SLC2A9: variants seen among roughly 807,000 people sequenced by gnomAD.
The protein encoded by SLC2A9 is solute carrier family 2, facilitated glucose transporter member 9.
A neutral mutation model predicts 50.6 loss-of-function variants in SLC2A9; 39 were observed. That is an observed-to-expected ratio of 0.77 (90% confidence interval 0.60 to 1.01). SLC2A9 has a LOEUF of 1.01. Among genes scored for constraint, SLC2A9 ranks in the 50% least tolerant of loss-of-function variants. The probability of loss-of-function intolerance (pLI) is 0.00; values close to 1 mark genes in which losing one functional copy is unlikely to be tolerated. For synonymous variants in SLC2A9, 324 were observed against 276.9 expected, an observed-to-expected ratio of 1.17 and a Z score of -1.69; for missense variants, 686 against 677.6, an observed-to-expected ratio of 1.01 and a Z score of -0.14.
At chr4:9,782,216 G>C (rs1315103578) in intron 3 of SLC2A9, 2 of 1,612,312 alleles carry the variant, frequency 1.2e-6, no homozygotes, top group Non-Finnish European at 1.7e-6. Flanking sequence ...GCTGGTGTGC[G>C]CAGCCATCGT....
Position 9,890,672 on chromosome 4 carries a change from T to G in SLC2A9, c.1153A>C (p.Ile385Leu). The G allele has an allele frequency of 6.2e-7, 1 of 1,614,070 alleles. No homozygotes were observed. Reference protein sequence around the residue: ...IEHLGRRPLLIGGFGLMGLFF... With the variant: ...IEHLGRRPLLLGGFGLMGLFF... ...AGGCCCATGAGCCCAAAGCCACCAA[T>G]GAGGAGGGGTCTCCGTCCCAGGTGC... Residue 385 changes from isoleucine (I) to leucine (L), a missense_variant, in exon 9 of 12, where the codon ATT becomes CTT. Physicochemically the swap from Ile to Leu is conservative, Grantham distance 5 (BLOSUM62 2). Transcript: ENST00000264784.
At chr4:9,975,784 G>T (rs188653836) in intron 5 of SLC2A9, among the ~76,000 whole-genome samples, 10 of 152,278 alleles carry the variant, frequency 6.6e-5, no homozygotes, top group Admixed American at 3.9e-4. Flanking sequence ...CTACCAAAAA[G>T]AGTGATGCAC....
chr4:9,911,304 A>G (rs1400585134), intron 7 of SLC2A9, among the ~76,000 whole-genome samples: 1 of 151,944 alleles, frequency 6.6e-6, no homozygotes, highest in Non-Finnish European at 1.5e-5. Context: ...CCTGTACATC[A>G]CACACACTGC....
intron 8 of SLC2A9, among the ~76,000 whole-genome samples, chr4:9,907,247 GA>G (rs1172421452): frequency 6.6e-6 from 1 of 152,244 alleles, no homozygotes; most frequent in Non-Finnish European, 1.5e-5. Flanking sequence ...CAAAAAAGAA[GA>G]GACACAAGCA....
intron 3 of SLC2A9, among the ~76,000 whole-genome samples, chr4:9,780,846 A>G (rs1226984015): frequency 6.6e-6 from 1 of 151,980 alleles, no homozygotes; most frequent in East Asian, 1.9e-4. Context: ...TTAAACACTG[A>G]GCTATTTATC....
upstream of SLC2A9, among the ~76,000 whole-genome samples, chr4:10,022,789 G>A (rs75101489): frequency 0.015 from 2,325 of 152,298 alleles, 29 homozygotes; most frequent in South Asian, 0.05. Flanking sequence ...GGAAACGTCC[G>A]GCCCTGACAT....
intron 5 of SLC2A9, among the ~76,000 whole-genome samples, chr4:9,949,966 C>T (rs77101951): frequency 0.014 from 2,057 of 152,204 alleles, 59 homozygotes; most frequent in East Asian, 0.11. Context: ...TTGACCTTAC[C>T]GTCCCTCCCA....
chr4:9,931,946 C>CAATCTCTCTCTCTCTCAA (rs1309683389), intron 6 of SLC2A9, among the ~76,000 whole-genome samples: 2 of 58,336 alleles, frequency 3.4e-5, no homozygotes, highest in Admixed American at 2.1e-4. Context: ...CTCTCTCTCT[C>CAATCTCTCTCTCTCTCAA]TCTCTCTCTC....
At position 9,942,100 on chromosome 4, in the gene SLC2A9, G is replaced by A. The variant is rs1010145741; in HGVS notation, c.682-55C>T. The A allele has an allele frequency of 3.7e-6, 6 of 1,610,460 alleles. No individual in the cohort carries two copies. In the Admixed American group the frequency reaches 8.3e-5, roughly 22 times the overall value. The stretch of plus-strand genomic sequence containing the variant: ...AGTGGCCTTTGGTCATTGTTGAGGG[G>A]ACTGGGCCACTGGACCAGGTGGTTT... On this transcript the variant is annotated intron_variant, in intron 5 of 11. Transcript: ENST00000264784.
At chr4:9,938,980 C>T (rs1001998288) in intron 6 of SLC2A9, among the ~76,000 whole-genome samples, 1 of 152,120 alleles carries the variant, frequency 6.6e-6, no homozygotes, top group African/African-American at 2.4e-5. Context: ...GTGTTGATGG[C>T]CCAAGTTCGT....
chr4:9,932,055 A>G (rs1292711549), intron 6 of SLC2A9, among the ~76,000 whole-genome samples: 2 of 146,296 alleles, frequency 1.4e-5, no homozygotes, highest in African/African-American at 5.1e-5. Context: ...GAACAGAGGT[A>G]GAAACTATCA....
At chr4:9,796,585 C>T (rs1263710077), downstream of SLC2A9, among the ~76,000 whole-genome samples, 1 of 152,212 alleles carries the variant, frequency 6.6e-6, no homozygotes, top group African/African-American at 2.4e-5. Flanking sequence ...ATGTATTAGT[C>T]AGGCTTTGTT....
At chr4:10,003,587 CTGAA>C (rs1760245037) in intron 2 of SLC2A9, among the ~76,000 whole-genome samples, 1 of 152,208 alleles carries the variant, frequency 6.6e-6, no homozygotes, top group South Asian at 2.1e-4. Flanking sequence ...CTTTTGGCAA[CTGAA>C]CGTTTGTCTT....
At chr4:9,955,648 C>A (rs1751121925) in intron 5 of SLC2A9, among the ~76,000 whole-genome samples, 3 of 152,102 alleles carry the variant, frequency 2.0e-5, no homozygotes, top group Admixed American at 2.0e-4. Flanking sequence ...TGCTCTAACT[C>A]TTGCCTCAGT....
At chr4:10,025,752 C>T, upstream of SLC2A9, 1 of 682,632 alleles carries the variant, frequency 1.5e-6, no homozygotes, top group Admixed American at 2.5e-5. Flanking sequence ...CCCATGGCTC[C>T]TTCCCATAGA....
chr4:9,934,072 C>T (rs1746632257), intron 6 of SLC2A9, among the ~76,000 whole-genome samples: 1 of 152,200 alleles, frequency 6.6e-6, no homozygotes, highest in Admixed American at 6.5e-5. Context: ...CTAATTCCTT[C>T]ATCATGTAAC....
At chr4:10,006,893 C>T (rs994045857) in intron 2 of SLC2A9, among the ~76,000 whole-genome samples, 2 of 151,974 alleles carry the variant, frequency 1.3e-5, no homozygotes, top group Admixed American at 6.6e-5. Context: ...GACCACCCCC[C>T]GAGAAAAACC....
rs76634773 is a variant in SLC2A9 at position 10,030,827 on chromosome 4, G to A, written c.-40-4821C>T. On this transcript the variant is annotated intron_variant, in intron 1 of 12. Transcript: ENST00000309065. ...CTTATGTAGTAGACCCCACCAGGCC[G>A]CTTTGCATGTGTGATGGCATGGCGC... 2.6e-5 allele frequency among the ~76,000 whole-genome samples: 4 copies of A among 152,262 alleles called. No homozygotes were observed. In the East Asian group the frequency reaches 5.8e-4, roughly 22 times the overall value.
chr4:9,849,946 G>A (rs1319659574), intron 10 of SLC2A9, among the ~76,000 whole-genome samples: 1 of 151,986 alleles, frequency 6.6e-6, no homozygotes, highest in Non-Finnish European at 1.5e-5. Context: ...AAATAGAAAA[G>A]CAAGAGTGAC....
Sources: allele counts gnomAD v4.1 joint callset (sites outside exome capture counted in the v4.1 genomes callset), GRCh38; gene constraint gnomAD v4.1.1; transcripts MANE v1.5; gene names NCBI Gene and HGNC (gene_info 2026-07-23, HGNC 2026-07-21).